The following TNKS2 variants were observed in gnomAD, a reference collection of about 807,000 sequenced individuals.
The protein encoded by TNKS2 is tankyrase 2.
TNKS2 carries 72 observed loss-of-function variants against 137.6 expected under a neutral mutation model. That is an observed-to-expected ratio of 0.52 (90% CI 0.43 to 0.64). TNKS2 has a LOEUF of 0.64. Among genes scored for constraint, TNKS2 ranks in the 30% least tolerant of loss-of-function variants. The pLI is 0.00. For synonymous variants in TNKS2, 516 were observed against 512.1 expected (o/e 1.01, Z -0.10); for missense variants, 1,049 against 1,410.2 (o/e 0.74, Z 4.10).
At chr10:91,836,330 AT>A (rs1194397570) in intron 12 of TNKS2, among the ~76,000 whole-genome samples, 1 of 151,678 alleles carries the variant, frequency 6.6e-6, no homozygotes, top group Non-Finnish European at 1.5e-5. Context: ...TTAGGGTTTA[AT>A]TTTTCATACT....
In TNKS2 at chr10:91,849,863, C is replaced by T. The variant is rs545524397; in HGVS notation, c.2694+269C>T. Among the ~76,000 whole-genome samples the T allele has an allele frequency of 1.3e-4, 20 of 149,402 alleles. No individual in the cohort carries two copies. In the South Asian group the frequency reaches 4.2e-3, roughly 32 times the overall value. On this transcript the variant is annotated intron_variant, in intron 20 of 26. Coordinates refer to ENST00000371627, the MANE Select transcript of TNKS2 (RefSeq NM_025235.4). Reference sequence around the variant, plus strand: ...TCTTGAAGTAAGTTATCCTTGAGCACTGTCTATTCAGTTCTCTCTCAAGCC... The same window carrying T: ...TCTTGAAGTAAGTTATCCTTGAGCATTGTCTATTCAGTTCTCTCTCAAGCC...
chr10:91,816,665 A>G (rs1192094252), intron 2 of TNKS2, among the ~76,000 whole-genome samples: 1 of 148,722 alleles, frequency 6.7e-6, no homozygotes, highest in Non-Finnish European at 1.5e-5. Context: ...TTTTTAAAAA[A>G]GAATTTACCT....
intron 6 of TNKS2, among the ~76,000 whole-genome samples, chr10:91,820,731 G>A (rs962994405): frequency 6.6e-6 from 1 of 152,210 alleles, no homozygotes; most frequent in Non-Finnish European, 1.5e-5. Flanking sequence ...GAGGAGACTA[G>A]AAGCAAAAGC....
At chr10:91,799,207 T>C (rs1844076194) in intron 1 of TNKS2, among the ~76,000 whole-genome samples, 1 of 152,118 alleles carries the variant, frequency 6.6e-6, no homozygotes, top group Non-Finnish European at 1.5e-5. Flanking sequence ...AGAAGGCCTC[T>C]ACACACAAGA....
intron 7 of TNKS2, among the ~76,000 whole-genome samples, chr10:91,825,697 G>A (rs1845044669): frequency 1.3e-5 from 2 of 152,232 alleles, no homozygotes; most frequent in Non-Finnish European, 1.5e-5. Flanking sequence ...TGCTGTAGAA[G>A]GAAATTTGTG....
chr10:91,831,559 T>G (rs2133635461), intron 11 of TNKS2, among the ~76,000 whole-genome samples: 2 of 152,324 alleles, frequency 1.3e-5, no homozygotes, highest in South Asian at 4.1e-4. Flanking sequence ...TTTTTGTTTC[T>G]GTTTTACCCT....
At chr10:91,848,753 A>G (rs774644162) in intron 19 of TNKS2, 118 bp downstream of exon 19, 7 of 1,209,170 alleles carry the variant, frequency 5.8e-6, no homozygotes, top group Non-Finnish European at 8.1e-6. Context: ...AAATTAGTTA[A>G]CATAGCCTTA....
At position 91,798,883 on chromosome 10, in the gene TNKS2, G is replaced by A; in HGVS notation, c.193G>A (p.Ala65Thr). 7.3e-7 allele frequency: 1 copy of A among 1,374,634 alleles called. No homozygotes were observed. The highest frequency in any genetic ancestry group is 9.5e-7 in the Non-Finnish European group (1 of 1,055,548). 85.2% of individuals were successfully genotyped at this position (1,374,634 alleles called of 1,614,324 possible). A position where few individuals can be genotyped will look rare whatever the true frequency, so the allele number is the denominator to read the frequency against. ...AGRKSTPLHFAAGFGRKDVVE... is the reference protein window; with the variant it reads ...AGRKSTPLHFTAGFGRKDVVE... ...CAGGAAATCCACCCCGCTGCACTTC[G>A]CCGCAGGTAACCGGGGCCAGCGTCC... Residue 65 changes from alanine (A) to threonine (T), a missense_variant, in exon 1 of 27, where the codon GCC becomes ACC. By Grantham distance (58) the Ala-to-Thr change is moderately conservative. Coordinates refer to ENST00000371627, the MANE Select transcript of TNKS2 (RefSeq NM_025235.4).
chr10:91,838,520 T>C (rs1842104756), intron 13 of TNKS2, among the ~76,000 whole-genome samples: 1 of 152,216 alleles, frequency 6.6e-6, no homozygotes, highest in South Asian at 2.1e-4. Context: ...TTAGAAAACC[T>C]ATCTCAGAGT....
chr10:91,854,954 A>G (rs1460962617), intron 21 of TNKS2, 75 bp from the exon 22 acceptor site: 6 of 713,314 alleles, frequency 8.4e-6, no homozygotes, highest in Non-Finnish European at 1.4e-5. Flanking sequence ...CAGAAAAATT[A>G]GGTGGTTATT....
intron 14 of TNKS2, 48 bp downstream of exon 14, chr10:91,840,754 C>T (rs779131700): frequency 2.6e-6 from 4 of 1,520,760 alleles, no homozygotes; most frequent in East Asian, 2.3e-5. Context: ...TTTTACTTGA[C>T]CTTTTTAGGA....
At chr10:91,802,350 T>A (rs1395591870) in intron 1 of TNKS2, among the ~76,000 whole-genome samples, 1 of 152,242 alleles carries the variant, frequency 6.6e-6, no homozygotes, top group Non-Finnish European at 1.5e-5. Flanking sequence ...CGTCTTCACA[T>A]ATGTGGAAGA....
Position 91,828,389 on chromosome 10 carries a change from A to T in TNKS2, c.1087A>T (p.Thr363Ser). The T allele has an allele frequency of 8.8e-6, 14 of 1,599,872 alleles. No homozygotes were observed. The highest frequency in any genetic ancestry group is 1.2e-5 in the Non-Finnish European group (14 of 1,174,952). ...LEMVNFKHPQ[T>S]HETALHCAAA... The stretch of plus-strand genomic sequence containing the variant: ...AATGGTGAATTTCAAGCATCCTCAA[A>T]CACATGAAACAGCATTGGTAATGTT... Residue 363 changes from threonine (T) to serine (S), a missense_variant, in exon 9 of 27, where the codon ACA becomes TCA. By Grantham distance (58) the Thr-to-Ser change is moderately conservative (BLOSUM62 1). Transcript: ENST00000371627.
chr10:91,807,316 C>G (rs1280709150), intron 1 of TNKS2: 52 of 1,613,910 alleles, frequency 3.2e-5, no homozygotes, highest in Non-Finnish European at 4.1e-5. Flanking sequence ...TCATCTGTTA[C>G]TTTAACACAC....
At chr10:91,839,446 G>A (rs1322025391) in intron 13 of TNKS2, among the ~76,000 whole-genome samples, 4 of 151,442 alleles carry the variant, frequency 2.6e-5, no homozygotes, top group South Asian at 2.1e-4. Context: ...AGGTTCAAGC[G>A]ATTCTCCTGC....
Position 91,836,751 on chromosome 10 carries a change from C to T in TNKS2, c.1448-168C>T, listed in dbSNP as rs1373921273. ...GTATTTCAAAGAGTTTTAAGAGAAT[C>T]TTATTTTTCACTCCCCAACCCTCAC... On this transcript the variant is annotated intron_variant, in intron 12 of 26. Coordinates refer to ENST00000371627, the MANE Select transcript of TNKS2 (RefSeq NM_025235.4). 7.1e-6 allele frequency: 7 copies of T among 985,246 alleles called. No homozygotes were observed. In the East Asian group the frequency reaches 7.9e-4, roughly 112 times the overall value. The allele number at this position is 985,246 out of a possible 1,614,324, so 61.0% of individuals were successfully genotyped here.
intron 1 of TNKS2, among the ~76,000 whole-genome samples, chr10:91,812,052 C>A (rs1844525804): frequency 8.2e-6 from 1 of 121,562 alleles, no homozygotes; most frequent in Non-Finnish European, 1.6e-5. Context: ...GAGCGACACT[C>A]CGTCTCAAAA....
intron 5 of TNKS2, 141 bp from the exon 6 acceptor site, chr10:91,819,798 T>C: frequency 1.4e-6 from 1 of 689,666 alleles, no homozygotes; most frequent in Non-Finnish European, 2.3e-6. Context: ...ATATGTATGT[T>C]GGATTTTGTA....
chr10:91,819,777 C>T (rs188544606), intron 5 of TNKS2, among the ~76,000 whole-genome samples, 162 bp from the exon 6 acceptor site: 1 of 152,272 alleles, frequency 6.6e-6, no homozygotes, highest in Admixed American at 6.5e-5. Flanking sequence ...AACTTGTATA[C>T]TATGCCTTCA....
Sources: allele counts gnomAD v4.1 joint callset (sites outside exome capture counted in the v4.1 genomes callset), GRCh38; gene constraint gnomAD v4.1.1; transcripts MANE v1.5; gene names NCBI Gene and HGNC (gene_info 2026-07-23, HGNC 2026-07-21).